NAA11: variants seen among roughly 807,000 people sequenced by gnomAD.
NAA11 encodes the protein N-alpha-acetyltransferase 11.
NAA11 carries 15 observed loss-of-function variants against 16.1 expected under a neutral mutation model. That is an observed-to-expected ratio of 0.93 (90% CI 0.62 to 1.44). NAA11 has a LOEUF of 1.44. Ranked by LOEUF, NAA11 falls within the 40% of genes most tolerant of loss-of-function variation. The probability of loss-of-function intolerance (pLI) is 0.00; values close to 1 mark genes in which losing one functional copy is unlikely to be tolerated. For missense variants in NAA11, 298 were observed against 291.3 expected (o/e 1.02, Z -0.17); for synonymous variants, 122 against 112.4 (o/e 1.09, Z -0.54).
chr4:79,186,364 A>G, the NAA11 span, among the ~76,000 whole-genome samples: 1 of 152,190 alleles, frequency 6.6e-6, no homozygotes, highest in Non-Finnish European at 1.5e-5. Context: ...GCTGTTGGCA[A>G]GATTCCTTTT....
chr4:79,285,521 C>T (rs1000600968), intron 2 of NAA11, among the ~76,000 whole-genome samples: 21 of 151,990 alleles, frequency 1.4e-4, no homozygotes, highest in Non-Finnish European at 3.1e-4. Context: ...AAGAGTATTA[C>T]AATACCTTGT....
At chr4:79,187,070 A>T in the NAA11 span, among the ~76,000 whole-genome samples, 2 of 152,206 alleles carry the variant, frequency 1.3e-5, no homozygotes, top group Non-Finnish European at 2.9e-5. Flanking sequence ...TTATTATTAC[A>T]TTTTAATCTT....
At chr4:79,257,587 TTTC>T (rs1283951374) in intron 2 of NAA11, among the ~76,000 whole-genome samples, 1 of 152,164 alleles carries the variant, frequency 6.6e-6, no homozygotes, top group East Asian at 1.9e-4. Flanking sequence ...GATTCTGAAA[TTTC>T]TTTTTACTGC....
the NAA11 span, among the ~76,000 whole-genome samples, chr4:79,215,102 T>G: frequency 6.6e-6 from 1 of 152,228 alleles, no homozygotes; most frequent in East Asian, 1.9e-4. Flanking sequence ...AATTTTCTTC[T>G]AAAAATTATT....
chr4:79,299,993 C>T (rs780394631), intron 1 of NAA11, among the ~76,000 whole-genome samples: 3 of 152,156 alleles, frequency 2.0e-5, no homozygotes, highest in South Asian at 2.1e-4. Context: ...TTTCCCCATT[C>T]GCTTTCAGGT....
At chr4:79,228,136 A>G (rs537380080) in intron 2 of NAA11, among the ~76,000 whole-genome samples, 4 of 151,842 alleles carry the variant, frequency 2.6e-5, no homozygotes, top group Admixed American at 2.0e-4. Flanking sequence ...CTGCCCTCTC[A>G]TTTAATTTTT....
intron 2 of NAA11, among the ~76,000 whole-genome samples, chr4:79,251,532 G>C (rs958756675): frequency 1.8e-4 from 27 of 152,058 alleles, no homozygotes; most frequent in African/African-American, 6.3e-4. Context: ...GAACTGTGCT[G>C]ATTACCTGGG....
chr4:79,315,267 T>C (rs2110013483), downstream of NAA11, among the ~76,000 whole-genome samples: 1 of 152,272 alleles, frequency 6.6e-6, no homozygotes, highest in South Asian at 2.1e-4. Flanking sequence ...TAAAGAAAAC[T>C]TTCTTTCCAG....
chr4:79,265,132 C>G (rs1397237518), intron 2 of NAA11, among the ~76,000 whole-genome samples: 1 of 152,096 alleles, frequency 6.6e-6, no homozygotes, highest in Non-Finnish European at 1.5e-5. Context: ...ATCCTCATGC[C>G]TCTCATTTTC....
chr4:79,157,716 T>C, the NAA11 span, among the ~76,000 whole-genome samples: 1 of 151,270 alleles, frequency 6.6e-6, no homozygotes, highest in Non-Finnish European at 1.5e-5. Flanking sequence ...GCCAACATAA[T>C]ACTGAATGGG....
downstream of NAA11, chr4:79,225,659 T>A (rs1721292330): frequency 6.6e-6 from 1 of 152,074 alleles, no homozygotes; most frequent in Admixed American, 6.6e-5. Flanking sequence ...CTGAGCCAGG[T>A]CACATTTTCT....
At chr4:79,263,184 G>T (rs1722275730) in intron 2 of NAA11, among the ~76,000 whole-genome samples, 1 of 152,080 alleles carries the variant, frequency 6.6e-6, no homozygotes, top group African/African-American at 2.4e-5. Context: ...TTCAATAAAA[G>T]TTCATAAAAT....
intron 2 of NAA11, among the ~76,000 whole-genome samples, chr4:79,261,975 AT>A (rs906450796): frequency 1.3e-5 from 2 of 151,442 alleles, no homozygotes; most frequent in African/African-American, 4.9e-5. Flanking sequence ...ACTTGCTCTC[AT>A]TTTTTTTTCT....
chr4:79,217,764 C>A, the NAA11 span, among the ~76,000 whole-genome samples: 1 of 151,988 alleles, frequency 6.6e-6, no homozygotes, highest in Non-Finnish European at 1.5e-5. Context: ...GTAAGACCTG[C>A]AAATTTTGTG....
chr4:79,269,922 G>T (rs1395585806), intron 2 of NAA11, among the ~76,000 whole-genome samples: 1 of 151,970 alleles, frequency 6.6e-6, no homozygotes, highest in Non-Finnish European at 1.5e-5. Flanking sequence ...TCTCCATATG[G>T]CTAGCCAGTT....
chr4:79,223,674 A>C (rs1003638658), downstream of NAA11, among the ~76,000 whole-genome samples: 2 of 151,090 alleles, frequency 1.3e-5, no homozygotes, highest in African/African-American at 4.9e-5. Context: ...TTTCTCTACC[A>C]GTTGCTATTT....
At chr4:79,310,023 C>A (rs534911587) in intron 1 of NAA11, among the ~76,000 whole-genome samples, 2 of 152,072 alleles carry the variant, frequency 1.3e-5, no homozygotes, top group Non-Finnish European at 2.9e-5. Flanking sequence ...CCTATTCTAT[C>A]GTTATTGATA....
At chr4:79,226,702 G>A (rs980111833) in intron 2 of NAA11, among the ~76,000 whole-genome samples, 6 of 151,186 alleles carry the variant, frequency 4.0e-5, no homozygotes, top group Non-Finnish European at 7.4e-5. Flanking sequence ...CCTTGCAATA[G>A]TTTGCTGAGA....
chr4:79,251,900 T>C (rs1185579042), intron 2 of NAA11, among the ~76,000 whole-genome samples: 1 of 152,190 alleles, frequency 6.6e-6, no homozygotes, highest in African/African-American at 2.4e-5. Flanking sequence ...CACTCGTATG[T>C]TTACTGCACT....
Sources: gnomAD v4.1 joint callset for allele counts (sites outside exome capture counted in the v4.1 genomes callset) on GRCh38, gnomAD v4.1.1 for gene constraint, MANE v1.5 for transcripts, NCBI Gene and HGNC (gene_info 2026-07-23, HGNC 2026-07-21) for gene names.